PCBP2: variants seen among roughly 807,000 people sequenced by gnomAD.
PCBP2 encodes the protein poly(rC) binding protein 2.
In PCBP2, 4 loss-of-function variants were observed where a neutral mutation model predicts 50.1. The ratio of observed to expected loss-of-function variants is 0.08; its 90% CI spans 0.04 to 0.18. PCBP2 has a LOEUF of 0.18. Among genes scored for constraint, PCBP2 ranks in the 10% least tolerant of loss-of-function variants. The pLI is 1.00. For synonymous variants in PCBP2, 179 were observed against 168.0 expected (o/e 1.07, Z -0.51); for missense variants, 161 against 474.3 (o/e 0.34, Z 6.14).
intron 5 of PCBP2, among the ~76,000 whole-genome samples, chr12:53,458,882 C>G (rs981627989): frequency 2.6e-5 from 4 of 152,150 alleles, no homozygotes; most frequent in Non-Finnish European, 5.9e-5. Flanking sequence ...TGAAATGATT[C>G]ACCTGCTTCA....
chr12:53,468,891 T>C, intron 13 of PCBP2, 59 bp downstream of exon 13: 1 of 1,274,832 alleles, frequency 7.8e-7, no homozygotes, highest in Non-Finnish European at 1.1e-6. Context: ...AAGAAATAGA[T>C]GTCGTTTCAG....
chr12:53,471,201 T>TA (rs1247783213), intron 13 of PCBP2, among the ~76,000 whole-genome samples: 1 of 151,600 alleles, frequency 6.6e-6, no homozygotes, highest in Non-Finnish European at 1.5e-5. Flanking sequence ...AGCACAGAGA[T>TA]ACAGAGGCTG....
chr12:53,460,776 A>G (rs1259805676), intron 6 of PCBP2: 1 of 362,896 alleles, frequency 2.8e-6, no homozygotes, highest in Non-Finnish European at 5.2e-6. Context: ...GCTTGAGAGT[A>G]GGTTAAATTT....
At chr12:53,477,518 T>G (rs1008116730) in intron 14 of PCBP2, among the ~76,000 whole-genome samples, 6 of 151,666 alleles carry the variant, frequency 4.0e-5, no homozygotes, top group Admixed American at 2.6e-4. Context: ...ATAAAAAAAT[T>G]AGCTGGGCAT....
chr12:53,470,378 C>CAAA (rs754350790), intron 13 of PCBP2, among the ~76,000 whole-genome samples: 84 of 47,278 alleles, frequency 1.8e-3, no homozygotes, highest in East Asian at 0.01. Flanking sequence ...CTCCGTCTCT[C>CAAA]AAAAAAAAAA....
chr12:53,459,765 C>CTT, intron 6 of PCBP2: 1 of 321,566 alleles, frequency 3.1e-6, no homozygotes, highest in Non-Finnish European at 6.3e-6. Context: ...AACTTTTTTT[C>CTT]TTTTTTTTGA....
At chr12:53,458,422 C>T (rs1251271487) in intron 5 of PCBP2, among the ~76,000 whole-genome samples, 1 of 151,810 alleles carries the variant, frequency 6.6e-6, no homozygotes, top group African/African-American at 2.4e-5. Flanking sequence ...TCTCCTGCCT[C>T]AGTCTCCCGA....
In PCBP2 at chr12:53,467,886, T is replaced by C. The variant is rs201531182; in HGVS notation, c.826+43T>C. Reference sequence around the variant, plus strand: ...AAAAATCTGTAGTATTCTACTGTTATATTAATAAACTGGTGGGAGTCTTGT... The same window carrying C: ...AAAAATCTGTAGTATTCTACTGTTACATTAATAAACTGGTGGGAGTCTTGT... On this transcript the variant is annotated intron_variant, in intron 12 of 14. Coordinates refer to ENST00000546463, the MANE Select transcript of PCBP2 (RefSeq NM_031989.5). 39 of 1,416,448 alleles carry C rather than the reference T, an allele frequency of 2.8e-5. No individual in the cohort carries two copies. In the African/African-American group the frequency reaches 3.0e-4, roughly 11 times the overall value. 87.7% of individuals were successfully genotyped at this position (1,416,448 alleles called of 1,614,324 possible).
rs773785452 is a variant in PCBP2 at position 53,471,685 on chromosome 12, C to A, written c.930C>A (p.Ile310=). 3 of 1,613,784 alleles carry A rather than the reference C, an allele frequency of 1.9e-6. No individual in the cohort carries two copies. The highest frequency in any genetic ancestry group is 8.5e-7 in the Non-Finnish European group (1 of 1,179,882). Residue 310 remains isoleucine, a synonymous_variant, in exon 14 of 15, where the codon ATC becomes ATA. Coordinates refer to ENST00000546463, the MANE Select transcript of PCBP2 (RefSeq NM_031989.5). Reference sequence around the variant, plus strand: ...GTCAAGGCGCCAAAATCAATGAGATCCGTCAGATGTCTGGGGCGCAGATCA... The same window carrying A: ...GTCAAGGCGCCAAAATCAATGAGATACGTCAGATGTCTGGGGCGCAGATCA... ...IGRQGAKINE[I]RQMSGAQIKI...
intron 1 of PCBP2, among the ~76,000 whole-genome samples, chr12:53,453,819 AAATGTTAGGAAC>A (rs1365339698): frequency 2.0e-5 from 3 of 152,236 alleles, no homozygotes; most frequent in Admixed American, 2.0e-4. Context: ...TCTAAAGCAG[AAATGTTAGGAAC>A]AATGTTAGGA....
Position 53,456,331 on chromosome 12 carries a change from G to A in PCBP2, c.243+330G>A, listed in dbSNP as rs577794956. On this transcript the variant is annotated intron_variant, in intron 5 of 14. Transcript: ENST00000546463. ...GAATTAGCTGGGCATGGTGGTGTGC[G>A]CCTGTAATCCCAGCTACTCAGGAGG... Among the ~76,000 whole-genome samples the A allele has an allele frequency of 2.7e-4, 41 of 151,736 alleles. 1 individual carries two copies. Among genetic ancestry groups the A allele is most frequent in the African/African-American group, 9.7e-4 (40 of 41,352 alleles).
At chr12:53,465,043 T>C in intron 9 of PCBP2, 191 bp downstream of exon 9, 2 of 201,730 alleles carry the variant, frequency 9.9e-6, no homozygotes, top group South Asian at 1.6e-4. Flanking sequence ...TAACACCAAC[T>C]TTTTTTTTTT....
intron 8 of PCBP2, 57 bp downstream of exon 8, chr12:53,462,624 A>G (rs1200797078): frequency 4.8e-6 from 7 of 1,453,934 alleles, no homozygotes; most frequent in Middle Eastern, 1.8e-4. Flanking sequence ...TGAAATGTCA[A>G]CTTTGCCAGC....
chr12:53,480,347 A>G lies in PCBP2; in HGVS notation c.*905A>G, dbSNP rs570822190. The G allele has an allele frequency of 2.6e-5, 4 of 152,412 alleles. No individual in the cohort carries two copies. Among genetic ancestry groups the G allele is most frequent in the African/African-American group, 9.6e-5 (4 of 41,554 alleles). 9.4% of individuals were successfully genotyped at this position (152,412 alleles called of 1,614,324 possible). The stretch of plus-strand genomic sequence containing the variant: ...TAATTTTAGAAAGTTGGGGCTTGAC[A>G]TTATACTCATTTAGTGAGAGTAGAT... On this transcript the variant is annotated 3_prime_UTR_variant, in exon 15 of 15. Transcript: ENST00000546463.
intron 13 of PCBP2, among the ~76,000 whole-genome samples, chr12:53,470,143 T>G (rs1381359511): frequency 1.3e-5 from 2 of 151,502 alleles, no homozygotes; most frequent in Admixed American, 6.6e-5. Flanking sequence ...CCAGCACTTG[T>G]GGGAGGCTGA....
At chr12:53,455,539 C>T (rs1412191433) in intron 4 of PCBP2, 46 bp downstream of exon 4, 1 of 1,585,132 alleles carries the variant, frequency 6.3e-7, no homozygotes, top group Non-Finnish European at 8.7e-7. Flanking sequence ...AAGTAAAAAA[C>T]CTTTAAAACA....
rs1170436578 is a variant in PCBP2, at chr12:53,480,387, G to GGGC, written c.*946_*948dup. 1 of 152,342 alleles carries GGGC rather than the reference G, an allele frequency of 6.6e-6. No homozygotes were observed. The highest frequency in any genetic ancestry group is 1.5e-5 in the Non-Finnish European group (1 of 68,030). 9.4% of individuals were successfully genotyped at this position (152,342 alleles called of 1,614,324 possible). On this transcript the variant is annotated 3_prime_UTR_variant, in exon 15 of 15. Transcript: ENST00000546463. ...TGAGAGTAGATGCAAAAAAGTGGAG[G>GGGC]GGCAGGAGAACTTCTCCAGACACCT...
At chr12:53,472,080 A>G (rs1942282373) in intron 14 of PCBP2, among the ~76,000 whole-genome samples, 1 of 152,104 alleles carries the variant, frequency 6.6e-6, no homozygotes, top group Non-Finnish European at 1.5e-5. Flanking sequence ...GTCTTCAGTA[A>G]GAGTCCTCTG....
chr12:53,464,936 C>T, intron 9 of PCBP2, 84 bp downstream of exon 9: 2 of 1,450,336 alleles, frequency 1.4e-6, no homozygotes, highest in East Asian at 2.8e-5. Context: ...GCCAGTGGCG[C>T]TGGTGATTTT....
Sources: allele counts gnomAD v4.1 joint callset (sites outside exome capture counted in the v4.1 genomes callset), GRCh38; gene constraint gnomAD v4.1.1; transcripts MANE v1.5; gene names NCBI Gene and HGNC (gene_info 2026-07-23, HGNC 2026-07-21).